CNTNAP5: variants seen among roughly 807,000 people sequenced by gnomAD.
CNTNAP5 encodes the protein contactin-associated protein-like 5.
CNTNAP5 carries 72 observed loss-of-function variants against 150.2 expected under a neutral mutation model. The observed-to-expected ratio is 0.48, with a 90% CI of 0.40 to 0.58. The LOEUF (loss-of-function observed/expected upper bound fraction) is 0.58. Among genes scored for constraint, CNTNAP5 ranks in the 20% least tolerant of loss-of-function variants. The pLI is 0.00. For missense variants in CNTNAP5, 1,636 were observed against 1,626.2 expected, an observed-to-expected ratio of 1.01 and a Z score of -0.10; for synonymous variants, 672 against 619.8, an observed-to-expected ratio of 1.08 and a Z score of -1.25.
chr2:124,173,111 G>T (rs1297634811), intron 1 of CNTNAP5, among the ~76,000 whole-genome samples: 1 of 152,114 alleles, frequency 6.6e-6, no homozygotes, highest in Non-Finnish European at 1.5e-5. Context: ...GGCACCAAAA[G>T]TGCACCTCTA....
chr2:124,915,217 C>A lies in CNTNAP5; in HGVS notation c.*929C>A, dbSNP rs1006109555. 1 of 162,388 alleles carries A rather than the reference C, an allele frequency of 6.2e-6. No homozygotes were observed. Among genetic ancestry groups the A allele is most frequent in the Non-Finnish European group, 1.5e-5 (1 of 67,000 alleles). 10.1% of individuals were successfully genotyped at this position (162,388 alleles called of 1,614,324 possible). On this transcript the variant is annotated 3_prime_UTR_variant, in exon 24 of 24. Coordinates refer to ENST00000682447, the MANE Select transcript of CNTNAP5 (RefSeq NM_001367498.1). ...ATATACACACACACACACACACACACATATATATATATACACACACGCACA... is the reference window on the plus strand; with the variant it reads ...ATATACACACACACACACACACACAAATATATATATATACACACACGCACA...
chr2:124,398,390 T>A (rs993640864), intron 3 of CNTNAP5, among the ~76,000 whole-genome samples: 2 of 152,124 alleles, frequency 1.3e-5, no homozygotes, highest in Admixed American at 1.3e-4. Context: ...CGCAGTTTGA[T>A]GTAACAGAAG....
intron 11 of CNTNAP5, among the ~76,000 whole-genome samples, chr2:124,575,415 G>A (rs1696259679): frequency 6.6e-6 from 1 of 152,096 alleles, no homozygotes; most frequent in African/African-American, 2.4e-5. Context: ...AGTAAGTGAG[G>A]CCTTTCATTA....
At chr2:124,894,423 T>G (rs1436549458) in intron 21 of CNTNAP5, among the ~76,000 whole-genome samples, 3 of 151,492 alleles carry the variant, frequency 2.0e-5, no homozygotes, top group Non-Finnish European at 4.4e-5. Flanking sequence ...TACACATGAG[T>G]CATTTATTCT....
chr2:124,093,363 C>T (rs1267198475), intron 1 of CNTNAP5, among the ~76,000 whole-genome samples: 2 of 152,184 alleles, frequency 1.3e-5, no homozygotes, highest in Non-Finnish European at 2.9e-5. Context: ...GAGACTGGCA[C>T]ATGATCAATT....
At chr2:124,261,758 G>A (rs1472157310) in intron 3 of CNTNAP5, among the ~76,000 whole-genome samples, 1 of 152,162 alleles carries the variant, frequency 6.6e-6, no homozygotes, top group East Asian at 1.9e-4. Flanking sequence ...CAAAAACAGA[G>A]GCTGTTCAGG....
chr2:124,104,520 T>C (rs1237903701), intron 1 of CNTNAP5, among the ~76,000 whole-genome samples: 1 of 152,102 alleles, frequency 6.6e-6, no homozygotes, highest in Non-Finnish European at 1.5e-5. Context: ...TATGAAAAGG[T>C]TTTTTTGTTT....
At chr2:124,173,098 C>G (rs898065604) in intron 1 of CNTNAP5, among the ~76,000 whole-genome samples, 4 of 152,110 alleles carry the variant, frequency 2.6e-5, no homozygotes, top group African/African-American at 9.7e-5. Flanking sequence ...TTCCTTGTTT[C>G]AGGGCACCAA....
chr2:124,211,408 C>A (rs1035474438), intron 1 of CNTNAP5, among the ~76,000 whole-genome samples: 1 of 152,122 alleles, frequency 6.6e-6, no homozygotes, highest in Admixed American at 6.6e-5. Flanking sequence ...GTAGAGAAAA[C>A]TGAGATTAAT....
At chr2:124,751,759 G>A (rs1413756194) in intron 14 of CNTNAP5, among the ~76,000 whole-genome samples, 1 of 152,126 alleles carries the variant, frequency 6.6e-6, no homozygotes, top group East Asian at 1.9e-4. Context: ...AAACTGACTT[G>A]GCCTTGTATA....
chr2:124,185,665 G>A (rs956878228), intron 1 of CNTNAP5, among the ~76,000 whole-genome samples: 4 of 152,126 alleles, frequency 2.6e-5, no homozygotes, highest in African/African-American at 9.7e-5. Context: ...CTAAAGAAGA[G>A]CGTCTGTTTA....
chr2:124,632,876 G>A (rs1677893226), intron 12 of CNTNAP5, among the ~76,000 whole-genome samples: 1 of 152,090 alleles, frequency 6.6e-6, no homozygotes, highest in Non-Finnish European at 1.5e-5. Flanking sequence ...GCAGAAGCAG[G>A]CATGTCTTAC....
intron 1 of CNTNAP5, among the ~76,000 whole-genome samples, chr2:124,190,418 C>T (rs972936216): frequency 6.6e-6 from 1 of 152,150 alleles, no homozygotes; most frequent in African/African-American, 2.4e-5. Flanking sequence ...CACTTTTTCC[C>T]TGTGTGAGTT....
At chr2:124,497,502 C>G (rs17675618) in intron 7 of CNTNAP5, among the ~76,000 whole-genome samples, 57,250 of 152,020 alleles carry the variant, frequency 0.38, 11,192 homozygotes, top group South Asian at 0.57. Flanking sequence ...ATTGTCTTTT[C>G]TTGCTAAGTT....
At chr2:124,147,445 G>T (rs528872268) in intron 1 of CNTNAP5, among the ~76,000 whole-genome samples, 249 of 152,268 alleles carry the variant, frequency 1.6e-3, no homozygotes, top group Admixed American at 4.2e-3. Context: ...CTGAGTTCTG[G>T]CTAGGGTTCT....
At chr2:124,754,601 T>C (rs1680798268) in intron 14 of CNTNAP5, among the ~76,000 whole-genome samples, 1 of 152,304 alleles carries the variant, frequency 6.6e-6, no homozygotes, top group Middle Eastern at 3.4e-3. Flanking sequence ...GCTGTTTCAG[T>C]CATTGAATAT....
intron 8 of CNTNAP5, among the ~76,000 whole-genome samples, chr2:124,509,136 C>T (rs1313474175): frequency 6.6e-6 from 1 of 152,174 alleles, no homozygotes; most frequent in Non-Finnish European, 1.5e-5. Context: ...ACAATGATGC[C>T]TCACACCTTC....
At chr2:124,370,643 G>T (rs140538937) in intron 3 of CNTNAP5, among the ~76,000 whole-genome samples, 7 of 152,070 alleles carry the variant, frequency 4.6e-5, no homozygotes, top group African/African-American at 1.7e-4. Flanking sequence ...CAAACTGCTG[G>T]TTATTGATTT....
chr2:124,629,152 G>A (rs2105006901), intron 12 of CNTNAP5, among the ~76,000 whole-genome samples: 1 of 152,262 alleles, frequency 6.6e-6, no homozygotes, highest in South Asian at 2.1e-4. Flanking sequence ...ATAGATCACG[G>A]AGACAGAAAA....
Sources: gnomAD v4.1 joint callset for allele counts (sites outside exome capture counted in the v4.1 genomes callset) on GRCh38, gnomAD v4.1.1 for gene constraint, MANE v1.5 for transcripts, NCBI Gene and HGNC (gene_info 2026-07-23, HGNC 2026-07-21) for gene names.